The following CEP63 variants were observed in gnomAD, a reference collection of about 807,000 sequenced individuals.
CEP63 encodes the protein centrosomal protein 63, also known as centrosomal protein of 63 kDa.
Under a neutral mutation model 89.1 loss-of-function variants are expected in CEP63, and 84 were observed. The ratio of observed to expected loss-of-function variants is 0.94; its 90% CI spans 0.79 to 1.13. The LOEUF is 1.13. Ranked by LOEUF, CEP63 falls within the 50% of genes most tolerant of loss-of-function variation. The pLI, the probability that CEP63 is intolerant of heterozygous loss-of-function variation, is 0.00. For synonymous variants in CEP63, 267 were observed against 272.5 expected (o/e 0.98, Z 0.20); for missense variants, 838 against 813.3 (o/e 1.03, Z -0.37).
chr3:134,739,836 C>T, the CEP63 span, among the ~76,000 whole-genome samples: 1 of 151,742 alleles, frequency 6.6e-6, no homozygotes, highest in Non-Finnish European at 1.5e-5. Flanking sequence ...ACAAAAAGTA[C>T]CCTAAGTAAT....
the CEP63 span, among the ~76,000 whole-genome samples, chr3:134,609,814 A>T: frequency 6.6e-6 from 1 of 152,228 alleles, no homozygotes; most frequent in Non-Finnish European, 1.5e-5. Flanking sequence ...GTAAGAGATC[A>T]TTCTGGCATT....
the CEP63 span, among the ~76,000 whole-genome samples, chr3:134,735,663 C>G: frequency 6.6e-6 from 1 of 152,054 alleles, no homozygotes; most frequent in African/African-American, 2.4e-5. Flanking sequence ...ACCACAAAAG[C>G]ACCACAAATA....
chr3:134,507,331 C>T (rs763871706), intron 3 of CEP63, 45 bp downstream of exon 3: 1 of 1,390,714 alleles, frequency 7.2e-7, no homozygotes, highest in Non-Finnish European at 1.0e-6. Context: ...TTTATCTTGT[C>T]TTTTATATTA....
Position 134,537,191 on chromosome 3 carries a change from C to A in CEP63, c.478C>A (p.Arg160Ser), listed in dbSNP as rs147553684. ...RQKSLDWEKQ[R>S]LIYQQQVSSL... Reference sequence around the variant, plus strand: ...GAAATCGCTGGACTGGGAGAAGCAACGCTTGATTTATCAGCAACAGGTATC... The same window carrying A: ...GAAATCGCTGGACTGGGAGAAGCAAAGCTTGATTTATCAGCAACAGGTATC... Residue 160 changes from arginine (R) to serine (S), a missense_variant, in exon 6 of 15, where the codon CGC becomes AGC. Transcript: ENST00000675561. The A allele has an allele frequency of 3.7e-6, 6 of 1,613,788 alleles. No homozygotes were observed. The highest frequency in any genetic ancestry group is 2.2e-5 in the East Asian group (1 of 44,868).
At chr3:134,655,755 C>T in the CEP63 span, among the ~76,000 whole-genome samples, 4 of 152,290 alleles carry the variant, frequency 2.6e-5, no homozygotes, top group South Asian at 2.1e-4. Context: ...TTAACAATCA[C>T]GATGAACACA....
chr3:134,515,979 C>T (rs1364400179), intron 3 of CEP63, among the ~76,000 whole-genome samples: 5 of 152,108 alleles, frequency 3.3e-5, no homozygotes, highest in Non-Finnish European at 4.4e-5. Flanking sequence ...GGGTGTTTCT[C>T]GTTAGGTGGA....
At chr3:134,707,739 CTTTT>C in the CEP63 span, among the ~76,000 whole-genome samples, 5 of 120,460 alleles carry the variant, frequency 4.2e-5, no homozygotes, top group East Asian at 2.5e-4. Context: ...TGATTCTTTT[CTTTT>C]TTTTTTTTTT....
chr3:134,752,416 G>C, the CEP63 span, among the ~76,000 whole-genome samples: 2 of 152,160 alleles, frequency 1.3e-5, no homozygotes, highest in Non-Finnish European at 2.9e-5. Context: ...GTCAAGGAGA[G>C]GGAAGCCCGA....
chr3:134,705,647 G>T, the CEP63 span, among the ~76,000 whole-genome samples: 1 of 152,128 alleles, frequency 6.6e-6, no homozygotes, highest in Non-Finnish European at 1.5e-5. Context: ...TGTCACCTTG[G>T]TGAGTACCTG....
At chr3:134,702,487 C>T in the CEP63 span, among the ~76,000 whole-genome samples, 10 of 151,674 alleles carry the variant, frequency 6.6e-5, no homozygotes, top group Non-Finnish European at 1.5e-5. Flanking sequence ...TACAGGGCTA[C>T]AGTAATCAAA....
chr3:134,554,668 C>A (rs200627768), intron 12 of CEP63, among the ~76,000 whole-genome samples: 151 of 149,068 alleles, frequency 1.0e-3, no homozygotes, highest in East Asian at 5.4e-3. Flanking sequence ...CACTGACTTC[C>A]ACAATGGTTG....
the CEP63 span, chr3:134,651,091 T>C: frequency 6.5e-7 from 1 of 1,526,804 alleles, no homozygotes; most frequent in African/African-American, 1.4e-5. Flanking sequence ...CCCCCGCCGC[T>C]GGAGCCGCAG....
At chr3:134,539,696 A>G (rs1050141167) in intron 6 of CEP63, among the ~76,000 whole-genome samples, 5 of 152,194 alleles carry the variant, frequency 3.3e-5, no homozygotes, top group Non-Finnish European at 5.9e-5. Context: ...CTCCATTAAA[A>G]AAAAATCTCT....
intron 10 of CEP63, among the ~76,000 whole-genome samples, chr3:134,586,086 G>A (rs192889980): frequency 7.9e-5 from 12 of 152,064 alleles, no homozygotes; most frequent in Admixed American, 7.9e-4. Context: ...GAGCCTATGT[G>A]TGTCTCTGCA....
chr3:134,524,591 A>G (rs1948237009), intron 3 of CEP63, among the ~76,000 whole-genome samples: 1 of 152,062 alleles, frequency 6.6e-6, no homozygotes, highest in Non-Finnish European at 1.5e-5. Flanking sequence ...TTAACATGGA[A>G]GGGTGTTGAA....
rs200697453 is a variant in CEP63, at chr3:134,545,683, A to G, written c.653A>G (p.Asp218Gly). 54 of 1,613,982 alleles carry G rather than the reference A, an allele frequency of 3.3e-5. No individual in the cohort carries two copies. The highest frequency in any genetic ancestry group is 4.3e-5 in the Non-Finnish European group (51 of 1,179,992). The change falls in exon 7 of 15, where the codon GAC becomes GGC. Residue 218 changes from aspartate to glycine, a missense_variant. Physicochemically the swap from Asp to Gly is moderately conservative, Grantham distance 94. Coordinates refer to ENST00000675561, the MANE Select transcript of CEP63 (RefSeq NM_001353108.3). ...HLSSKLERAN[D>G]TICANELEIE... is the part of the protein sequence containing the mutation. ...AGCAGTAAACTGGAGCGGGCTAATG[A>G]CACTATCTGTGCCAATGAGTTGGAA...
At chr3:134,754,048 A>C in the CEP63 span, among the ~76,000 whole-genome samples, 5 of 152,126 alleles carry the variant, frequency 3.3e-5, no homozygotes, top group Non-Finnish European at 7.4e-5. Flanking sequence ...CCCTTTATAC[A>C]TTGTTCAGTC....
chr3:134,735,478 A>G, the CEP63 span, among the ~76,000 whole-genome samples: 1 of 152,156 alleles, frequency 6.6e-6, no homozygotes, highest in Non-Finnish European at 1.5e-5. Context: ...CAAAATCAGC[A>G]ATAAAAAGCC....
the CEP63 span, among the ~76,000 whole-genome samples, chr3:134,614,362 A>T: frequency 2.0e-5 from 3 of 152,070 alleles, no homozygotes; most frequent in Non-Finnish European, 4.4e-5. Flanking sequence ...TTGCCTCCAT[A>T]GCTCATGGCT....
Sources: gnomAD v4.1 joint callset for allele counts (sites outside exome capture counted in the v4.1 genomes callset) on GRCh38, gnomAD v4.1.1 for gene constraint, MANE v1.5 for transcripts, NCBI Gene and HGNC (gene_info 2026-07-23, HGNC 2026-07-21) for gene names.